CNEP1R1: variants seen among roughly 807,000 people sequenced by gnomAD.
CNEP1R1 encodes nuclear envelope phosphatase-regulatory subunit 1.
CNEP1R1 carries 10 observed loss-of-function variants against 22.7 expected under a neutral mutation model. The observed-to-expected ratio is 0.44, with a 90% CI of 0.27 to 0.75. The LOEUF (loss-of-function observed/expected upper bound fraction) is 0.75. Among genes scored for constraint, CNEP1R1 ranks in the 30% least tolerant of loss-of-function variants. The pLI, the probability that CNEP1R1 is intolerant of heterozygous loss-of-function variation, is 0.17. For missense variants in CNEP1R1, 73 were observed against 151.5 expected (o/e 0.48, Z 2.72); for synonymous variants, 53 against 50.1 (o/e 1.06, Z -0.25).
chr16:50,035,536 C>A lies in CNEP1R1; in HGVS notation c.*78C>A. 1 of 1,109,114 alleles carries A rather than the reference C, an allele frequency of 9.0e-7. No homozygotes were observed. Among genetic ancestry groups the A allele is most frequent in the Non-Finnish European group, 1.3e-6 (1 of 755,130 alleles). 68.7% of individuals were successfully genotyped at this position (1,109,114 alleles called of 1,614,324 possible). A position where few individuals can be genotyped will look rare whatever the true frequency, so the allele number is the denominator to read the frequency against. ...ATACAGCAAAAAGCCATAAAGGATT[C>A]CTTTTGCGGTTGGATATGTAAAGGT... is the stretch of plus-strand genomic sequence containing the variant. On this transcript the variant is annotated 3_prime_UTR_variant, in exon 6 of 6. Transcript: ENST00000427478.
At position 50,025,819 on chromosome 16, in the gene CNEP1R1, G is replaced by A. The variant is rs909182685; in HGVS notation, c.25+479G>A. 5.5e-5 allele frequency: 46 copies of A among 831,076 alleles called. No individual in the cohort carries two copies. In the East Asian group the frequency reaches 1.2e-3, roughly 21 times the overall value. 51.5% of individuals were successfully genotyped at this position (831,076 alleles called of 1,614,324 possible). ...GTCTTCTAGAACTAGGCGCTGCCTG[G>A]GTGCCACGAAGATCACCTGTACCCC... On this transcript the variant is annotated intron_variant, in intron 1 of 5. Coordinates refer to ENST00000427478, the MANE Select transcript of CNEP1R1 (RefSeq NM_001281789.2).
chr16:50,027,275 C>T (rs754124292), intron 2 of CNEP1R1, among the ~76,000 whole-genome samples: 7 of 151,894 alleles, frequency 4.6e-5, no homozygotes, highest in East Asian at 1.9e-4. Flanking sequence ...TTTGGTAGGC[C>T]GAGGCGGACG....
At position 50,035,887 on chromosome 16, in the gene CNEP1R1, T is replaced by A. The variant is rs2036272605; in HGVS notation, c.*429T>A. On this transcript the variant is annotated 3_prime_UTR_variant, in exon 6 of 6. Coordinates refer to ENST00000427478, the MANE Select transcript of CNEP1R1 (RefSeq NM_001281789.2). ...GTATTTCAGGAACATCTGCTTGCCA[T>A]CCCCACAGCTCTTTAAAACTGGCTA... 1 of 159,088 alleles carries A rather than the reference T, an allele frequency of 6.3e-6. No homozygotes were observed. Among genetic ancestry groups the A allele is most frequent in the Non-Finnish European group, 1.4e-5 (1 of 72,484 alleles). The allele number at this position is 159,088 out of a possible 1,614,324, so 9.9% of individuals were successfully genotyped here.
Position 50,035,413 on chromosome 16 carries a change from G to C in CNEP1R1, c.337-4G>C. The C allele has an allele frequency of 6.5e-7, 1 of 1,549,084 alleles. No homozygotes were observed. Among genetic ancestry groups the C allele is most frequent in the African/African-American group, 1.3e-5 (1 of 74,082 alleles). ...GAAAAAATTCTGTCTTTTCATTTTTGCAGACAGGAAAACTAATTTTGAAAC... is the reference window on the plus strand; with the variant it reads ...GAAAAAATTCTGTCTTTTCATTTTTCCAGACAGGAAAACTAATTTTGAAAC... On this transcript the variant is annotated splice_region_variant and splice_polypyrimidine_tract_variant and intron_variant, in intron 5 of 5. Transcript: ENST00000427478.
At chr16:50,027,500 T>A (rs1335095921) in intron 2 of CNEP1R1, among the ~76,000 whole-genome samples, 8 of 120,694 alleles carry the variant, frequency 6.6e-5, no homozygotes, top group Non-Finnish European at 3.6e-5. Context: ...AGAGCGAGAC[T>A]CTGTCTCAAA....
intron 2 of CNEP1R1, among the ~76,000 whole-genome samples, chr16:50,027,264 C>G (rs9940389): frequency 0.11 from 17,235 of 152,100 alleles, 1,008 homozygotes; most frequent in African/African-American, 0.16. Context: ...AATCCCAACA[C>G]TTTGGTAGGC....
In CNEP1R1 at chr16:50,025,289, C is replaced by T. The variant is rs748591984; in HGVS notation, c.-27C>T. On this transcript the variant is annotated 5_prime_UTR_variant, in exon 1 of 6. Coordinates refer to ENST00000427478, the MANE Select transcript of CNEP1R1 (RefSeq NM_001281789.2). Reference sequence around the variant, plus strand: ...GGAAGCTGCGATGCGGACAGGGCAGCGGCGGTGACCCGAGCTGCCGCCCGA... The same window carrying T: ...GGAAGCTGCGATGCGGACAGGGCAGTGGCGGTGACCCGAGCTGCCGCCCGA... The T allele has an allele frequency of 1.1e-5, 15 of 1,425,584 alleles. No homozygotes were observed. The highest frequency in any genetic ancestry group is 3.0e-5 in the African/African-American group (2 of 66,876). The allele number at this position is 1,425,584 out of a possible 1,614,324, so 88.3% of individuals were successfully genotyped here.
chr16:50,025,621 CT>C (rs1567409438), intron 1 of CNEP1R1: 2 of 1,603,646 alleles, frequency 1.2e-6, no homozygotes, highest in African/African-American at 2.7e-5. Context: ...GCATTGCAGC[CT>C]GCTAATTCAT....
chr16:50,033,336 G>GGT (rs2036247350), intron 3 of CNEP1R1, 61 bp from the exon 4 acceptor site: 3 of 717,240 alleles, frequency 4.2e-6, no homozygotes, highest in Non-Finnish European at 7.2e-6. Flanking sequence ...CAAGTGGGGA[G>GGT]GTAGGAATCA....
At chr16:50,026,588 C>T (rs1464693777) in intron 2 of CNEP1R1, 121 bp downstream of exon 2, 21 of 731,454 alleles carry the variant, frequency 2.9e-5, no homozygotes, top group Non-Finnish European at 3.4e-5. Context: ...TAGACAATGC[C>T]TTATGAAGAA....
Position 50,033,456 on chromosome 16 carries a change from A to C in CNEP1R1, c.231A>C (p.Leu77=). The C allele has an allele frequency of 6.2e-7, 1 of 1,603,628 alleles. No homozygotes were observed. Among genetic ancestry groups the C allele is most frequent in the East Asian group, 2.2e-5 (1 of 44,766 alleles). ...TTTTCACCATTAGCTGTATCACTCT[A>C]ATAGGCTTGTTCTTTGCTGGAATAC... ...HPFFTISCIT[L]IGLFFAGIHK... The change falls in exon 4 of 6, where the codon CTA becomes CTC. Residue 77 remains leucine (L), a synonymous_variant. Transcript: ENST00000427478.
intron 2 of CNEP1R1, among the ~76,000 whole-genome samples, chr16:50,027,351 T>TA (rs1169925420): frequency 6.6e-6 from 1 of 150,998 alleles, no homozygotes; most frequent in Non-Finnish European, 1.5e-5. Context: ...CTACTAAAAA[T>TA]AAAAAAATTA....
intron 2 of CNEP1R1, 147 bp downstream of exon 2, chr16:50,026,614 A>G: frequency 1.6e-6 from 1 of 627,550 alleles, no homozygotes; most frequent in Middle Eastern, 4.3e-4. Context: ...TAAGAAAAGG[A>G]AATTATAACT....
chr16:50,032,417 T>C lies in CNEP1R1; in HGVS notation c.172-980T>C, dbSNP rs552116457. ...GTCCAGATCTGAAATCAGCCCTTTC[T>C]TTCTCCTTCGTTCTAGTTCTTTATG... On this transcript the variant is annotated intron_variant, in intron 3 of 5. Coordinates refer to ENST00000427478, the MANE Select transcript of CNEP1R1 (RefSeq NM_001281789.2). Among the ~76,000 whole-genome samples the C allele has an allele frequency of 2.6e-5, 4 of 152,362 alleles. No individual in the cohort carries two copies. The East Asian group carries it at 7.7e-4, about 29-fold the overall frequency.
intron 1 of CNEP1R1, among the ~76,000 whole-genome samples, chr16:50,025,971 G>A (rs1368200332): frequency 1.3e-5 from 2 of 152,250 alleles, no homozygotes; most frequent in African/African-American, 4.8e-5. Flanking sequence ...GGTAATTGCA[G>A]TCAGGTAGAC....
intron 2 of CNEP1R1, among the ~76,000 whole-genome samples, chr16:50,027,507 CAAA>C (rs71138024): frequency 9.1e-6 from 1 of 110,094 alleles, no homozygotes. Flanking sequence ...GACTCTGTCT[CAAA>C]AAAAAAAAAA....
intron 4 of CNEP1R1, 64 bp downstream of exon 4, chr16:50,033,570 A>C (rs994803587): frequency 3.3e-6 from 3 of 903,706 alleles, no homozygotes; most frequent in Non-Finnish European, 3.5e-6. Flanking sequence ...GTAATGGTTA[A>C]AAGCTTACTC....
At chr16:50,025,763 A>G (rs1049966239) in intron 1 of CNEP1R1, 52 of 1,416,310 alleles carry the variant, frequency 3.7e-5, no homozygotes, top group Non-Finnish European at 4.9e-5. Flanking sequence ...AGGATACCCC[A>G]CCACTCACTC....
At chr16:50,029,657 A>G (rs1333937586) in intron 2 of CNEP1R1, 68 bp from the exon 3 acceptor site, 1 of 892,356 alleles carries the variant, frequency 1.1e-6, no homozygotes, top group Non-Finnish European at 1.8e-6. Context: ...TTTAGTAGGA[A>G]CTGGTGGTGA....
Sources: allele counts gnomAD v4.1 joint callset (sites outside exome capture counted in the v4.1 genomes callset), GRCh38; gene constraint gnomAD v4.1.1; transcripts MANE v1.5; gene names NCBI Gene and HGNC (gene_info 2026-07-23, HGNC 2026-07-21).